IHO1: variants seen among roughly 807,000 people sequenced by gnomAD.
The protein encoded by IHO1 is interactor of HORMAD1 1, also known as interactor of HORMAD1 protein 1.
Under a neutral mutation model 31.0 loss-of-function variants are expected in IHO1, and 13 were observed. That is an observed-to-expected ratio of 0.42 (90% CI 0.27 to 0.67). The LOEUF (loss-of-function observed/expected upper bound fraction) is 0.67, where lower values mean the gene tolerates loss of function less well. Among genes scored for constraint, IHO1 ranks in the 30% least tolerant of loss-of-function variants. The probability of loss-of-function intolerance (pLI) is 0.24; values close to 1 mark genes in which losing one functional copy is unlikely to be tolerated. For synonymous variants in IHO1, 221 were observed against 248.4 expected (o/e 0.89, Z 1.04); for missense variants, 599 against 687.5 (o/e 0.87, Z 1.44).
chr3:49,255,552 G>C, intron 7 of IHO1, 59 bp downstream of exon 7: 21 of 764,246 alleles, frequency 2.7e-5, no homozygotes, highest in Non-Finnish European at 3.8e-5. Context: ...TAGACCCAGA[G>C]AGAAACTTTT....
intron 1 of IHO1, among the ~76,000 whole-genome samples, chr3:49,206,010 C>G (rs1171777721): frequency 2.0e-5 from 3 of 151,988 alleles, no homozygotes; most frequent in African/African-American, 7.3e-5. Flanking sequence ...GTCTCCCAGG[C>G]TGGAGTGCAG....
chr3:49,255,056 C>G (rs1014986071), intron 6 of IHO1, among the ~76,000 whole-genome samples: 16 of 149,102 alleles, frequency 1.1e-4, no homozygotes, highest in African/African-American at 4.0e-4. Flanking sequence ...GAGCTAGTCT[C>G]CGTCTCAAAA....
At chr3:49,225,634 A>G (rs2046408448) in intron 2 of IHO1, among the ~76,000 whole-genome samples, 1 of 152,212 alleles carries the variant, frequency 6.6e-6, no homozygotes, top group Non-Finnish European at 1.5e-5. Flanking sequence ...TTTGGCTAAT[A>G]TATCCCTCCC....
At position 49,236,624 on chromosome 3, in the gene IHO1, T is replaced by C; in HGVS notation, c.133T>C (p.Ser45Pro). The change falls in exon 3 of 8, where the codon TCT (serine) becomes CCT (proline). Residue 45 changes from serine to proline, a missense_variant. Transcript: ENST00000452691. ...SLSDSQFLFG[S>P]QFCPENSETL... is the part of the protein sequence containing the mutation. The stretch of plus-strand genomic sequence containing the variant: ...CAGTGATTCCCAGTTCCTCTTTGGA[T>C]CTCAGTTCTGTCCAGAAAATTCAGA... 2 of 1,613,824 alleles carry C rather than the reference T, an allele frequency of 1.2e-6. No homozygotes were observed. Among genetic ancestry groups the C allele is most frequent in the Non-Finnish European group, 1.7e-6 (2 of 1,179,760 alleles).
chr3:49,226,224 C>T (rs532671940), intron 2 of IHO1, among the ~76,000 whole-genome samples: 1 of 152,010 alleles, frequency 6.6e-6, no homozygotes, highest in Non-Finnish European at 1.5e-5. Flanking sequence ...TGGGCCTGTT[C>T]CTCTTGGTCC....
chr3:49,244,700 A>G lies in IHO1; in HGVS notation c.499A>G (p.Ile167Val). 6.2e-7 allele frequency: 1 copy of G among 1,614,186 alleles called. No individual in the cohort carries two copies. The highest frequency in any genetic ancestry group is 8.5e-7 in the Non-Finnish European group (1 of 1,180,038). ...EDHLSSRSQSILDSLETVAKT... is the reference protein window; with the variant it reads ...EDHLSSRSQSVLDSLETVAKT... ...CCATCTCAGTTCAAGAAGCCAATCT[A>G]TTTTGGATTCTTTGGAGACTGTGGC... Residue 167 changes from isoleucine (I) to valine (V), a missense_variant, in exon 6 of 8, where the codon ATT becomes GTT. Physicochemically the swap from Ile to Val is conservative, Grantham distance 29. Transcript: ENST00000452691.
At chr3:49,210,492 G>A (rs1044146621) in intron 1 of IHO1, among the ~76,000 whole-genome samples, 15 of 151,348 alleles carry the variant, frequency 9.9e-5, no homozygotes, top group Admixed American at 3.3e-4. Context: ...CTGCCTCCCC[G>A]GTTCCAGTGA....
In IHO1 at chr3:49,243,985, C is replaced by T. The variant is rs562228180; in HGVS notation, c.396-419C>T. 2.0e-5 allele frequency among the ~76,000 whole-genome samples: 3 copies of T among 148,624 alleles called. No homozygotes were observed. In the South Asian group the frequency reaches 6.4e-4, roughly 32 times the overall value. The stretch of plus-strand genomic sequence containing the variant: ...TTTATTTTATTTTGAGGTGGAGTCT[C>T]GCTCTGTCTCCCAGGCTGGAGTGCA... On this transcript the variant is annotated intron_variant, in intron 4 of 7. Transcript: ENST00000452691.
chr3:49,202,963 C>T (rs1056486326), intron 1 of IHO1, among the ~76,000 whole-genome samples: 1 of 150,480 alleles, frequency 6.6e-6, no homozygotes, highest in East Asian at 2.0e-4. Flanking sequence ...CCCGGGTTCA[C>T]GCCATTCTCC....
chr3:49,255,062 C>CA (rs371843773), intron 6 of IHO1, among the ~76,000 whole-genome samples: 107 of 128,240 alleles, frequency 8.3e-4, no homozygotes, highest in South Asian at 2.2e-3. Flanking sequence ...GTCTCCGTCT[C>CA]AAAAAAAAAA....
chr3:49,246,259 A>C (rs2046694128), intron 6 of IHO1, among the ~76,000 whole-genome samples: 1 of 151,936 alleles, frequency 6.6e-6, no homozygotes, highest in Admixed American at 6.6e-5. Flanking sequence ...GACAGACGGC[A>C]GAAGCAAATC....
chr3:49,257,215 G>A lies in IHO1; in HGVS notation c.1718G>A (p.Cys573Tyr), dbSNP rs531717864. ...LNLGCSETPL[C>Y]KEAGKNLLYD... is the part of the protein sequence containing the mutation. ...CTCGGATGTTCAGAGACCCCTCTAT[G>A]CAAGGAGGCAGGAAAGAATTTGCTC... Residue 573 changes from cysteine (C) to tyrosine (Y), a missense_variant, in exon 8 of 8, where the codon TGC becomes TAC. Cys to Tyr is a radical substitution (Grantham distance 194). Coordinates refer to ENST00000452691, the MANE Select transcript of IHO1 (RefSeq NM_001135197.2). 6.2e-7 allele frequency: 1 copy of A among 1,614,202 alleles called. No homozygotes were observed. Among genetic ancestry groups the A allele is most frequent in the Admixed American group, 1.7e-5 (1 of 60,004 alleles).
At chr3:49,243,126 A>G (rs977755792) in intron 4 of IHO1, among the ~76,000 whole-genome samples, 1 of 151,810 alleles carries the variant, frequency 6.6e-6, no homozygotes, top group Admixed American at 6.6e-5. Flanking sequence ...CATACAATGC[A>G]TGAATTCTTT....
At chr3:49,255,926 A>G (rs2046816647) in intron 7 of IHO1, among the ~76,000 whole-genome samples, 1 of 152,028 alleles carries the variant, frequency 6.6e-6, no homozygotes, top group Non-Finnish European at 1.5e-5. Context: ...GGGCCAGCAT[A>G]TAGACTAGCT....
At chr3:49,253,096 C>T (rs2046780195) in intron 6 of IHO1, among the ~76,000 whole-genome samples, 1 of 151,356 alleles carries the variant, frequency 6.6e-6, no homozygotes, top group Admixed American at 6.6e-5. Flanking sequence ...TTTCCATTCT[C>T]CTAGCACAGT....
At chr3:49,200,509 A>AAGAAAG (rs2046052640) in intron 1 of IHO1, 1 of 905,550 alleles carries the variant, frequency 1.1e-6, no homozygotes, top group Non-Finnish European at 1.3e-6. Context: ...GAAAGAAAGA[A>AAGAAAG]AGAAAGAAAA....
chr3:49,218,193 C>G (rs2046312499), intron 2 of IHO1, among the ~76,000 whole-genome samples: 1 of 151,832 alleles, frequency 6.6e-6, no homozygotes, highest in Non-Finnish European at 1.5e-5. Flanking sequence ...AACTCTTTCT[C>G]TGGGCACAAG....
chr3:49,247,985 C>T (rs2046714737), intron 6 of IHO1, among the ~76,000 whole-genome samples: 3 of 151,512 alleles, frequency 2.0e-5, no homozygotes, highest in African/African-American at 7.3e-5. Flanking sequence ...ATTAGCCATG[C>T]GTGATGGCTG....
In IHO1 at chr3:49,234,965, G is replaced by A. The variant is rs1009256737; in HGVS notation, c.57-1583G>A. On this transcript the variant is annotated intron_variant, in intron 2 of 7. Coordinates refer to ENST00000452691, the MANE Select transcript of IHO1 (RefSeq NM_001135197.2). ...GGGTTCCAGTGATTCTTCTGCCTCA[G>A]CCTCCCAAGTAGCTGGGATTACAGG... Among the ~76,000 whole-genome samples the A allele has an allele frequency of 4.0e-5, 6 of 151,520 alleles. No individual in the cohort carries two copies. The East Asian group carries it at 1.2e-3, about 30-fold the overall frequency.
Sources: allele counts gnomAD v4.1 joint callset (sites outside exome capture counted in the v4.1 genomes callset), GRCh38; gene constraint gnomAD v4.1.1; transcripts MANE v1.5; gene names NCBI Gene and HGNC (gene_info 2026-07-23, HGNC 2026-07-21).